The following MS4A1 variants were observed in gnomAD, a reference collection of about 807,000 sequenced individuals.
MS4A1 encodes B-lymphocyte antigen CD20.
A neutral mutation model predicts 26.5 loss-of-function variants in MS4A1; 16 were observed. That is an observed-to-expected ratio of 0.60 (90% CI 0.41 to 0.92). The LOEUF (loss-of-function observed/expected upper bound fraction) is 0.92. MS4A1 is among the 40% of genes least tolerant of loss of function. The pLI is 0.00. For missense variants in MS4A1, 350 were observed against 353.0 expected, an observed-to-expected ratio of 0.99 and a Z score of 0.07; for synonymous variants, 128 against 117.6, an observed-to-expected ratio of 1.09 and a Z score of -0.57.
intron 3 of MS4A1, 117 bp from the exon 4 acceptor site, chr11:60,462,885 G>C: frequency 2.0e-6 from 3 of 1,490,472 alleles, no homozygotes; most frequent in Non-Finnish European, 2.8e-6. Flanking sequence ...CACCTCCACT[G>C]CTTCCTTTAG....
chr11:60,466,272 G>C, intron 6 of MS4A1, 115 bp downstream of exon 6: 1 of 881,968 alleles, frequency 1.1e-6, no homozygotes. Flanking sequence ...GTTACTGTCT[G>C]TGTGGCTTTG....
rs1414119535 is a variant in MS4A1, at chr11:60,469,650, A to G, written c.*1182A>G. On this transcript the variant is annotated 3_prime_UTR_variant, in exon 8 of 8. Coordinates refer to ENST00000345732, the MANE Select transcript of MS4A1 (RefSeq NM_152866.3). ...GGAAAACTACTTGCATCATAAATAT[A>G]TAATAACTGGTAGTTTATATGAAGC... is the stretch of plus-strand genomic sequence containing the variant. The G allele has an allele frequency of 6.6e-6, 1 of 152,186 alleles. No homozygotes were observed. The highest frequency in any genetic ancestry group is 2.4e-5 in the African/African-American group (1 of 41,464). 9.4% of individuals were successfully genotyped at this position (152,186 alleles called of 1,614,324 possible). A position where few individuals can be genotyped will look rare whatever the true frequency, so the allele number is the denominator to read the frequency against.
chr11:60,462,226 A>T lies in MS4A1; in HGVS notation c.-149A>T. 1.2e-6 allele frequency: 1 copy of T among 844,712 alleles called. No individual in the cohort carries two copies. The highest frequency in any genetic ancestry group is 2.0e-6 in the Non-Finnish European group (1 of 511,200). The allele number at this position is 844,712 out of a possible 1,614,324, so 52.3% of individuals were successfully genotyped here. A position where few individuals can be genotyped will look rare whatever the true frequency, so the allele number is the denominator to read the frequency against. The stretch of plus-strand genomic sequence containing the variant: ...TTGCCTCAGATCCAAGGTCACTCGG[A>T]AGAGGCCATGTCTACCCTCAATGAC... On this transcript the variant is annotated 5_prime_UTR_variant, in exon 3 of 8. Transcript: ENST00000345732.
chr11:60,458,824 G>T (rs1316693890), intron 1 of MS4A1, among the ~76,000 whole-genome samples: 1 of 150,096 alleles, frequency 6.7e-6, no homozygotes, highest in Non-Finnish European at 1.5e-5. Flanking sequence ...TATATAATCA[G>T]ATATATATAT....
intron 3 of MS4A1, 67 bp downstream of exon 3, chr11:60,462,600 G>A (rs1334284806): frequency 1.9e-6 from 3 of 1,586,366 alleles, no homozygotes; most frequent in Non-Finnish European, 2.6e-6. Context: ...ATGCGGTATA[G>A]GCCACATACA....
rs1230114969 is a variant in MS4A1 at position 60,469,182 on chromosome 11, T to A, written c.*714T>A. 3 of 152,118 alleles carry A rather than the reference T, an allele frequency of 2.0e-5. No individual in the cohort carries two copies. In the East Asian group the frequency reaches 5.8e-4, roughly 29 times the overall value. 9.4% of individuals were successfully genotyped at this position (152,118 alleles called of 1,614,324 possible). A position where few individuals can be genotyped will look rare whatever the true frequency, so the allele number is the denominator to read the frequency against. On this transcript the variant is annotated 3_prime_UTR_variant, in exon 8 of 8. Coordinates refer to ENST00000345732, the MANE Select transcript of MS4A1 (RefSeq NM_152866.3). ...GCCATTATGCGAGAAAAGAAAAAAA[T>A]GACCATAGAAAATGCCACCATGAGG...
chr11:60,462,525 A>G lies in MS4A1; in HGVS notation c.151A>G (p.Thr51Ala), dbSNP rs2086256652. Residue 51 changes from threonine (T) to alanine (A), a missense_variant, in exon 3 of 8, where the codon ACT becomes GCT. Coordinates refer to ENST00000345732, the MANE Select transcript of MS4A1 (RefSeq NM_152866.3). ...TQSFFMRESK[T>A]LGAVQIMNGL... ...AAGCTTCTTCATGAGGGAATCTAAG[A>G]CTTTGGGGGTAAGTCAGTTGCCTTC... The G allele has an allele frequency of 6.2e-7, 1 of 1,613,928 alleles. No individual in the cohort carries two copies. The highest frequency in any genetic ancestry group is 1.1e-5 in the South Asian group (1 of 91,080).
In MS4A1 at chr11:60,469,078, C is replaced by T. The variant is rs923531237; in HGVS notation, c.*610C>T. 4.6e-5 allele frequency: 7 copies of T among 152,598 alleles called. No homozygotes were observed. The highest frequency in any genetic ancestry group is 1.7e-4 in the African/African-American group (7 of 41,426). 9.5% of individuals were successfully genotyped at this position (152,598 alleles called of 1,614,324 possible). Reference sequence around the variant, plus strand: ...TCTGTTTTTTGTAAAAACAGCATAGCTTATACATGGACATGTCTCTGCCTT... The same window carrying T: ...TCTGTTTTTTGTAAAAACAGCATAGTTTATACATGGACATGTCTCTGCCTT... On this transcript the variant is annotated 3_prime_UTR_variant, in exon 8 of 8. Transcript: ENST00000345732.
chr11:60,466,980 A>C lies in MS4A1; in HGVS notation c.595A>C (p.Ile199Leu). The C allele has an allele frequency of 6.2e-7, 1 of 1,614,122 alleles. No homozygotes were observed. The highest frequency in any genetic ancestry group is 8.5e-7 in the Non-Finnish European group (1 of 1,180,014). Residue 199 changes from isoleucine (I) to leucine (L), a missense_variant, in exon 7 of 8, where the codon ATC becomes CTC. By Grantham distance (5) the Ile-to-Leu change is conservative. Coordinates refer to ENST00000345732, the MANE Select transcript of MS4A1 (RefSeq NM_152866.3). ...TCAGGGCATTTTGTCAGTGATGCTG[A>C]TCTTTGCCTTCTTCCAGGAACTTGT... ...LFLGILSVML[I>L]FAFFQELVIA...
At chr11:60,462,031 T>G in intron 2 of MS4A1, 154 bp from the exon 3 acceptor site, 1 of 383,126 alleles carries the variant, frequency 2.6e-6, no homozygotes, top group Non-Finnish European at 5.0e-6. Flanking sequence ...AAGAAAAGCA[T>G]CCAGGAATAA....
chr11:60,457,127 C>G (rs935576394), intron 1 of MS4A1, among the ~76,000 whole-genome samples: 1 of 152,098 alleles, frequency 6.6e-6, no homozygotes, highest in Non-Finnish European at 1.5e-5. Flanking sequence ...TGCAATCAGG[C>G]AAGGAGAGCA....
chr11:60,465,237 T>C (rs2086281362), intron 5 of MS4A1, among the ~76,000 whole-genome samples: 1 of 152,258 alleles, frequency 6.6e-6, no homozygotes, highest in East Asian at 1.9e-4. Flanking sequence ...GTTATTTATA[T>C]TTTCCTGTTT....
intron 4 of MS4A1, 59 bp downstream of exon 4, chr11:60,463,180 C>G (rs1175830326): frequency 6.2e-7 from 1 of 1,607,836 alleles, no homozygotes; most frequent in Non-Finnish European, 8.5e-7. Flanking sequence ...TTAAAAGGCT[C>G]CACAGGGATA....
At chr11:60,463,911 G>A (rs2086269430) in intron 4 of MS4A1, 1 of 387,814 alleles carries the variant, frequency 2.6e-6, no homozygotes. Flanking sequence ...TTATGTCACT[G>A]TGAACCCCAA....
intron 5 of MS4A1, among the ~76,000 whole-genome samples, chr11:60,465,299 C>T (rs1308526097): frequency 2.6e-5 from 4 of 152,244 alleles, no homozygotes; most frequent in Non-Finnish European, 5.9e-5. Context: ...TATTTTCTTA[C>T]CTATGCTACC....
Position 60,462,406 on chromosome 11 carries a change from CT to C in MS4A1, c.35del (p.Phe12SerfsTer6), listed in dbSNP as rs867483197. On this transcript the variant is annotated frameshift_variant, in exon 3 of 8. Transcript: ENST00000345732. LOFTEE classifies it high-confidence loss of function. ...ACACCCAGAAATTCAGTAAATGGGA[CT>C]TTCCCGGCAGAGCCAATGAAAGGCC... Reference protein sequence around the residue: MTTPRNSVNGTFPAEPMKGPI... With the variant: MTTPRNSVNGXFPAEPMKGPI... The C allele has an allele frequency of 2.5e-6, 4 of 1,614,048 alleles. No individual in the cohort carries two copies. The highest frequency in any genetic ancestry group is 3.4e-6 in the Non-Finnish European group (4 of 1,180,036).
rs1255520751 is a variant in MS4A1 at position 60,469,164 on chromosome 11, T to G, written c.*696T>G. 1.3e-5 allele frequency: 2 copies of G among 152,210 alleles called. No homozygotes were observed. Among genetic ancestry groups the G allele is most frequent in the African/African-American group, 2.4e-5 (1 of 41,462 alleles). The allele number at this position is 152,210 out of a possible 1,614,324, so 9.4% of individuals were successfully genotyped here. On this transcript the variant is annotated 3_prime_UTR_variant, in exon 8 of 8. Transcript: ENST00000345732. ...CATGTCTACCTACTTTTAGCCATTA[T>G]GCGAGAAAAGAAAAAAATGACCATA...
At chr11:60,464,179 G>A in intron 4 of MS4A1, 109 bp from the exon 5 acceptor site, 1 of 783,228 alleles carries the variant, frequency 1.3e-6, no homozygotes, top group Non-Finnish European at 2.2e-6. Flanking sequence ...TGCTGAAAGT[G>A]TAGGCTTCTT....
Position 60,468,413 on chromosome 11 carries a change from C to T in MS4A1, c.839C>T (p.Pro280Leu). Reference sequence around the variant, plus strand: ...GAAGAAGAAACAGAGACGAACTTTCCAGAACCTCCCCAAGATCAGGAATCC... The same window carrying T: ...GAAGAAGAAACAGAGACGAACTTTCTAGAACCTCCCCAAGATCAGGAATCC... The part of the protein sequence containing the change: ...EEEEETETNF[P>L]EPPQDQESSP... Residue 280 changes from proline (P) to leucine (L), a missense_variant, in exon 8 of 8, where the codon CCA becomes CTA. Coordinates refer to ENST00000345732, the MANE Select transcript of MS4A1 (RefSeq NM_152866.3). The T allele has an allele frequency of 1.2e-6, 2 of 1,614,130 alleles. No individual in the cohort carries two copies. The highest frequency in any genetic ancestry group is 1.3e-5 in the African/African-American group (1 of 75,052).
Sources: gnomAD v4.1 joint callset for allele counts (sites outside exome capture counted in the v4.1 genomes callset) on GRCh38, gnomAD v4.1.1 for gene constraint, MANE v1.5 for transcripts, NCBI Gene and HGNC (gene_info 2026-07-23, HGNC 2026-07-21) for gene names.